Variants in TM9SF3 observed in about 807,000 individuals in gnomAD.
The protein encoded by TM9SF3 is SM-11044-binding protein.
In TM9SF3, 14 loss-of-function variants were observed where a neutral mutation model predicts 78.6. The ratio of observed to expected loss-of-function variants is 0.18; its 90% CI spans 0.12 to 0.28. TM9SF3 has a LOEUF of 0.28. TM9SF3 is among the 10% of genes least tolerant of loss of function. The pLI, the probability that TM9SF3 is intolerant of heterozygous loss-of-function variation, is 1.00. For missense variants in TM9SF3, 496 were observed against 721.9 expected, an observed-to-expected ratio of 0.69 and a Z score of 3.59; for synonymous variants, 231 against 241.7, an observed-to-expected ratio of 0.96 and a Z score of 0.41.
intron 10 of TM9SF3, 23 bp downstream of exon 10, chr10:96,533,028 A>C: frequency 6.2e-7 from 1 of 1,613,072 alleles, no homozygotes; most frequent in Non-Finnish European, 8.5e-7. Context: ...AAACAATCGC[A>C]TAAGATTTAG....
intron 8 of TM9SF3, among the ~76,000 whole-genome samples, chr10:96,546,825 T>G (rs532479680): frequency 1.3e-5 from 2 of 152,292 alleles, no homozygotes; most frequent in East Asian, 3.9e-4. Flanking sequence ...GAAGGCAGGA[T>G]CCCCTAATGC....
intron 2 of TM9SF3, among the ~76,000 whole-genome samples, chr10:96,572,963 A>C (rs1848455560): frequency 6.6e-6 from 1 of 152,220 alleles, no homozygotes; most frequent in Non-Finnish European, 1.5e-5. Context: ...TCTCTTTAGT[A>C]ATCATCATTT....
intron 7 of TM9SF3, among the ~76,000 whole-genome samples, chr10:96,549,612 T>C (rs1848144143): frequency 6.6e-6 from 1 of 152,286 alleles, no homozygotes; most frequent in African/African-American, 2.4e-5. Context: ...TGGCCACTTT[T>C]ATATAATAAT....
chr10:96,546,129 T>C (rs1848096580), intron 8 of TM9SF3, among the ~76,000 whole-genome samples: 1 of 152,176 alleles, frequency 6.6e-6, no homozygotes, highest in South Asian at 2.1e-4. Flanking sequence ...GAGGACAGTG[T>C]GAAGACCTTG....
Position 96,547,976 on chromosome 10 carries a change from G to C in TM9SF3, c.973C>G (p.Leu325Val). Residue 325 changes from leucine to valine, a missense_variant, in exon 8 of 15, where the codon CTC becomes GTC. Leu to Val is a conservative substitution (Grantham distance 32). Around this residue, in one of 4 missense-constraint regions of TM9SF3, gnomAD observed 280 missense variants for 422.6 expected, o/e 0.66. Transcript: ENST00000371142. Reference protein sequence around the residue: ...EDLYTERGSMLSTAIFVYAAT... With the variant: ...EDLYTERGSMVSTAIFVYAAT... ...GCATAGACAAATATGGCTGTACTGA[G>C]CATTGATCCCCTCCTAAAAAGGCAA... 6.3e-7 allele frequency: 1 copy of C among 1,592,692 alleles called. No individual in the cohort carries two copies. The highest frequency in any genetic ancestry group is 8.5e-7 in the Non-Finnish European group (1 of 1,173,126).
At chr10:96,549,012 G>T (rs1202931241) in intron 7 of TM9SF3, among the ~76,000 whole-genome samples, 1 of 151,992 alleles carries the variant, frequency 6.6e-6, no homozygotes, top group Non-Finnish European at 1.5e-5. Flanking sequence ...GGGATGTGGG[G>T]AACATCTGAA....
In TM9SF3 at chr10:96,558,560, C is replaced by T. The variant is rs763179202; in HGVS notation, c.660+1099G>A. ...ACTCGGGAGGCTGAGGCAGGAGAATCGCTTGAACCAAGGAGGCGGAGGTTG... is the reference window on the plus strand; with the variant it reads ...ACTCGGGAGGCTGAGGCAGGAGAATTGCTTGAACCAAGGAGGCGGAGGTTG... On this transcript the variant is annotated intron_variant, in intron 5 of 14. Transcript: ENST00000371142. 3.0e-4 allele frequency among the ~76,000 whole-genome samples: 45 copies of T among 151,632 alleles called. 1 individual carries two copies. Among genetic ancestry groups the T allele is most frequent in the Admixed American group, 4.6e-4 (7 of 15,252 alleles).
At position 96,559,576 on chromosome 10, in the gene TM9SF3, TGC is replaced by T. The variant is rs762068627; in HGVS notation, c.660+81_660+82del. Reference sequence around the variant, plus strand: ...TTTTAATCCACAGTCCTCAACACAGTGCCCTGCAAATGACAGATACTCAATGT... The same window carrying T: ...TTTTAATCCACAGTCCTCAACACAGTCCTGCAAATGACAGATACTCAATGT... On this transcript the variant is annotated intron_variant, in intron 5 of 14. Coordinates refer to ENST00000371142, the MANE Select transcript of TM9SF3 (RefSeq NM_020123.4). 1.8e-5 allele frequency: 17 copies of T among 963,932 alleles called. No homozygotes were observed. The East Asian group carries it at 4.2e-4, about 24-fold the overall frequency. The allele number at this position is 963,932 out of a possible 1,614,324, so 59.7% of individuals were successfully genotyped here. A position where few individuals can be genotyped will look rare whatever the true frequency, so the allele number is the denominator to read the frequency against.
chr10:96,580,478 G>A (rs538399942), intron 1 of TM9SF3, among the ~76,000 whole-genome samples: 1 of 152,110 alleles, frequency 6.6e-6, no homozygotes, highest in Non-Finnish European at 1.5e-5. Context: ...ATGTTAGCCA[G>A]GACGGTCTCG....
Position 96,559,643 on chromosome 10 carries a change from T to C in TM9SF3, c.660+16A>G. ...GGTGCACATAATCAATGTCTTAAAA[T>C]ACACTATTTACCTACCCGATGTTGA... On this transcript the variant is annotated intron_variant, in intron 5 of 14. Transcript: ENST00000371142. 3 of 1,555,722 alleles carry C rather than the reference T, an allele frequency of 1.9e-6. No individual in the cohort carries two copies. The highest frequency in any genetic ancestry group is 2.6e-6 in the Non-Finnish European group (3 of 1,142,068).
chr10:96,560,117 G>A lies in TM9SF3; in HGVS notation c.583-381C>T, dbSNP rs949275003. ...TGGTGTAATTCTGTCCTGCGTGGCT[G>A]TTCTCTTGAGCAGAAGTCATTTATC... On this transcript the variant is annotated intron_variant, in intron 4 of 14. Coordinates refer to ENST00000371142, the MANE Select transcript of TM9SF3 (RefSeq NM_020123.4). The A allele has an allele frequency of 2.9e-5, 20 of 681,392 alleles. No individual in the cohort carries two copies. The African/African-American group carries it at 3.2e-4, about 11-fold the overall frequency. 42.2% of individuals were successfully genotyped at this position (681,392 alleles called of 1,614,324 possible).
chr10:96,564,910 C>T (rs1848352098), intron 3 of TM9SF3, among the ~76,000 whole-genome samples: 1 of 151,838 alleles, frequency 6.6e-6, no homozygotes, highest in African/African-American at 2.4e-5. Flanking sequence ...ACCAAGAAAC[C>T]ATACTACCAC....
intron 9 of TM9SF3, among the ~76,000 whole-genome samples, chr10:96,542,179 G>T (rs1011019902): frequency 1.3e-5 from 2 of 152,164 alleles, no homozygotes; most frequent in African/African-American, 4.8e-5. Flanking sequence ...TTCACTTCAA[G>T]TTCTTCAAGT....
intron 3 of TM9SF3, among the ~76,000 whole-genome samples, chr10:96,564,516 CTCT>C (rs1363264397): frequency 5.3e-5 from 8 of 152,338 alleles, no homozygotes; most frequent in African/African-American, 1.9e-4. Flanking sequence ...ATATAATTAT[CTCT>C]TGATATTAAC....
chr10:96,566,170 T>C lies in TM9SF3; in HGVS notation c.299-744A>G, dbSNP rs112235965. 1.4e-3 allele frequency among the ~76,000 whole-genome samples: 209 copies of C among 152,292 alleles called. 2 individuals are homozygous for C. Among genetic ancestry groups the C allele is most frequent in the African/African-American group, 4.8e-3 (200 of 41,570 alleles). On this transcript the variant is annotated intron_variant, in intron 2 of 14. Transcript: ENST00000371142. ...TACTAAACATGTCAATCAAAAGAAGTTGTTTTGGTATATTAAGCAATTAGA... is the reference window on the plus strand; with the variant it reads ...TACTAAACATGTCAATCAAAAGAAGCTGTTTTGGTATATTAAGCAATTAGA...
chr10:96,529,642 A>G (rs947171119), intron 11 of TM9SF3, among the ~76,000 whole-genome samples: 2 of 136,830 alleles, frequency 1.5e-5, no homozygotes, highest in Non-Finnish European at 3.2e-5. Context: ...CCATGGCTCT[A>G]TATTTAAAAA....
chr10:96,538,016 T>C (rs1216022778), intron 9 of TM9SF3, among the ~76,000 whole-genome samples: 1 of 152,178 alleles, frequency 6.6e-6, no homozygotes, highest in Non-Finnish European at 1.5e-5. Context: ...CCCAGAAGAC[T>C]TTTTATAGAA....
chr10:96,578,555 G>A (rs757755697), intron 1 of TM9SF3, among the ~76,000 whole-genome samples: 3 of 152,124 alleles, frequency 2.0e-5, no homozygotes, highest in Non-Finnish European at 4.4e-5. Context: ...TGAATCAAAG[G>A]TCTAAATGTT....
intron 1 of TM9SF3, among the ~76,000 whole-genome samples, chr10:96,581,022 G>A (rs1028731135): frequency 6.6e-6 from 1 of 152,126 alleles, no homozygotes; most frequent in Admixed American, 6.5e-5. Context: ...AACAGTGCCA[G>A]GTGTACAAAG....
Sources: gnomAD v4.1 joint callset for allele counts (sites outside exome capture counted in the v4.1 genomes callset) on GRCh38, gnomAD v4.1.1 for gene constraint, gnomAD v4.1.1 regional missense constraint, MANE v1.5 for transcripts, NCBI Gene and HGNC (gene_info 2026-07-23, HGNC 2026-07-21) for gene names.